ADGRL3: variants seen among roughly 807,000 people sequenced by gnomAD.
ADGRL3 encodes the protein adhesion G protein-coupled receptor L3.
A neutral mutation model predicts 153.5 loss-of-function variants in ADGRL3; 62 were observed. The ratio of observed to expected loss-of-function variants is 0.40; its 90% CI spans 0.33 to 0.50. The LOEUF (loss-of-function observed/expected upper bound fraction) is 0.50. Among genes scored for constraint, ADGRL3 ranks in the 20% least tolerant of loss-of-function variants. The pLI, the probability that ADGRL3 is intolerant of heterozygous loss-of-function variation, is 0.47. For missense variants in ADGRL3, 1,641 were observed against 1,859.4 expected (o/e 0.88, Z 2.16); for synonymous variants, 710 against 672.5 (o/e 1.06, Z -0.86).
intron 8 of ADGRL3, among the ~76,000 whole-genome samples, chr4:61,809,571 C>T (rs572576078): frequency 6.6e-6 from 1 of 151,874 alleles, no homozygotes; most frequent in East Asian, 1.9e-4. Flanking sequence ...CCTTGAGCAC[C>T]CTATTTAAAA....
intron 1 of ADGRL3, among the ~76,000 whole-genome samples, chr4:61,228,410 A>T (rs934715343): frequency 6.6e-6 from 1 of 152,148 alleles, no homozygotes; most frequent in African/African-American, 2.4e-5. Context: ...GTGGTTGTGG[A>T]TATAGAGTCA....
intron 1 of ADGRL3, among the ~76,000 whole-genome samples, chr4:61,263,765 T>TA (rs2092688585): frequency 6.6e-6 from 1 of 151,962 alleles, no homozygotes; most frequent in Admixed American, 6.6e-5. Context: ...ACCAGGGAGA[T>TA]ATAAGTATTG....
At chr4:61,857,660 C>A (rs1202810136) in intron 9 of ADGRL3, among the ~76,000 whole-genome samples, 1 of 138,534 alleles carries the variant, frequency 7.2e-6, no homozygotes, top group Non-Finnish European at 1.5e-5. Context: ...TCCTTCCTTC[C>A]TTCTTTCTTC....
intron 1 of ADGRL3, among the ~76,000 whole-genome samples, chr4:61,225,927 C>A (rs146145935): frequency 7.0e-4 from 107 of 152,262 alleles, no homozygotes; most frequent in African/African-American, 1.3e-3. Flanking sequence ...TCTTTAATAT[C>A]TTTTCCATCA....
At chr4:61,242,849 A>G (rs1020506966) in intron 1 of ADGRL3, among the ~76,000 whole-genome samples, 1 of 152,088 alleles carries the variant, frequency 6.6e-6, no homozygotes, top group Admixed American at 6.6e-5. Flanking sequence ...ATATTTTAAC[A>G]TTAAGGAATA....
chr4:61,366,538 GTA>G (rs1171514321), intron 1 of ADGRL3, among the ~76,000 whole-genome samples: 1 of 152,158 alleles, frequency 6.6e-6, no homozygotes, highest in Non-Finnish European at 1.5e-5. Flanking sequence ...TCATCACTTA[GTA>G]TATAGCTCAT....
intron 1 of ADGRL3, among the ~76,000 whole-genome samples, chr4:61,333,619 G>T (rs1482650691): frequency 6.6e-6 from 1 of 151,514 alleles, no homozygotes; most frequent in African/African-American, 2.4e-5. Flanking sequence ...TTTTTGACAG[G>T]ATTTCACTCT....
chr4:61,972,368 C>G (rs2099031492), intron 17 of ADGRL3, among the ~76,000 whole-genome samples: 1 of 152,142 alleles, frequency 6.6e-6, no homozygotes. Context: ...TTTCAGCTTT[C>G]TACATATGGC....
At chr4:61,319,042 G>A (rs1383986594) in intron 1 of ADGRL3, among the ~76,000 whole-genome samples, 17 of 152,186 alleles carry the variant, frequency 1.1e-4, no homozygotes, top group Admixed American at 6.5e-4. Context: ...ATACTAATTG[G>A]CTTGTTCAAG....
chr4:61,392,015 A>G (rs576837024), intron 2 of ADGRL3, among the ~76,000 whole-genome samples: 1 of 137,750 alleles, frequency 7.3e-6, no homozygotes, highest in South Asian at 2.5e-4. Flanking sequence ...GCCTGCCACC[A>G]CGACCGGCTA....
intron 4 of ADGRL3, among the ~76,000 whole-genome samples, chr4:61,532,531 TGCGCGCGCGCGCGC>T (rs35405501): frequency 7.1e-5 from 10 of 141,256 alleles, no homozygotes; most frequent in African/African-American, 2.4e-4. Flanking sequence ...GGATGCTGCA[TGCGCGCGCGCGCGC>T]GCGCGCGCGC....
intron 9 of ADGRL3, among the ~76,000 whole-genome samples, chr4:61,872,037 A>G (rs574955084): frequency 3.9e-5 from 6 of 152,238 alleles, no homozygotes; most frequent in African/African-American, 1.4e-4. Context: ...TGAAGTGAGG[A>G]ATTTTTGTTT....
intron 1 of ADGRL3, among the ~76,000 whole-genome samples, chr4:61,324,244 C>G (rs937489114): frequency 6.6e-6 from 1 of 152,094 alleles, no homozygotes; most frequent in Non-Finnish European, 1.5e-5. Context: ...CCCACTTTTT[C>G]TGTTTTATCT....
At chr4:61,364,702 C>G (rs967872718) in intron 1 of ADGRL3, among the ~76,000 whole-genome samples, 2 of 152,080 alleles carry the variant, frequency 1.3e-5, no homozygotes, top group African/African-American at 2.4e-5. Context: ...GAAGGACATT[C>G]TAAATGTGAG....
At chr4:61,700,320 T>G (rs1208905324) in intron 6 of ADGRL3, among the ~76,000 whole-genome samples, 1 of 146,810 alleles carries the variant, frequency 6.8e-6, no homozygotes, top group African/African-American at 2.5e-5. Flanking sequence ...GAAAAAAAAT[T>G]TAATTCAACT....
At chr4:61,596,884 T>C (rs10517542) in intron 5 of ADGRL3, among the ~76,000 whole-genome samples, 29,750 of 152,106 alleles carry the variant, frequency 0.2, 3,059 homozygotes, top group Non-Finnish European at 0.22. Flanking sequence ...ATAACTGTTA[T>C]CCTAGTATTT....
At chr4:61,327,294 A>G (rs931698968) in intron 1 of ADGRL3, among the ~76,000 whole-genome samples, 2 of 147,126 alleles carry the variant, frequency 1.4e-5, no homozygotes, top group Non-Finnish European at 3.0e-5. Flanking sequence ...AAAGTATTCT[A>G]TCTAGTATAA....
chr4:61,443,191 A>G (rs1451098385), intron 2 of ADGRL3, among the ~76,000 whole-genome samples: 1 of 152,196 alleles, frequency 6.6e-6, no homozygotes, highest in Admixed American at 6.5e-5. Context: ...TAGTCTGTTT[A>G]CCAGCAACTG....
intron 2 of ADGRL3, among the ~76,000 whole-genome samples, chr4:61,483,668 G>C (rs950283259): frequency 6.6e-6 from 1 of 151,928 alleles, no homozygotes; most frequent in East Asian, 1.9e-4. Context: ...ACTCGGGAAG[G>C]GGAGGTTGCT....
Sources: allele counts gnomAD v4.1 joint callset (sites outside exome capture counted in the v4.1 genomes callset), GRCh38; gene constraint gnomAD v4.1.1; transcripts MANE v1.5; gene names NCBI Gene and HGNC (gene_info 2026-07-23, HGNC 2026-07-21).